The following FLT1 variants were observed in gnomAD, a reference collection of about 807,000 sequenced individuals.
FLT1 encodes fms related receptor tyrosine kinase 1, also known as vascular endothelial growth factor receptor 1.
Under a neutral mutation model 156.3 loss-of-function variants are expected in FLT1, and 49 were observed. The observed-to-expected ratio is 0.31, with a 90% CI of 0.25 to 0.40. The LOEUF is 0.40. Ranked by LOEUF, FLT1 falls within the 10% of genes least tolerant of loss-of-function variation. The probability of loss-of-function intolerance (pLI) is 1.00; values close to 1 mark genes in which losing one functional copy is unlikely to be tolerated. For synonymous variants in FLT1, 594 were observed against 583.8 expected, an observed-to-expected ratio of 1.02 and a Z score of -0.25; for missense variants, 1,322 against 1,637.2, an observed-to-expected ratio of 0.81 and a Z score of 3.32.
rs1870575501 is a variant in FLT1, at chr13:28,303,011, A to T, written c.*156T>A. On this transcript the variant is annotated 3_prime_UTR_variant, in exon 30 of 30. Coordinates refer to ENST00000282397, the MANE Select transcript of FLT1 (RefSeq NM_002019.4). Reference sequence around the variant, plus strand: ...TCTGGAGTTACATTCTTGTTAGTCAAAAAAAAAAAAGCACTATTAAAAAAA... The same window carrying T: ...TCTGGAGTTACATTCTTGTTAGTCATAAAAAAAAAAGCACTATTAAAAAAA... 2 of 400,118 alleles carry T rather than the reference A, an allele frequency of 5.0e-6. No homozygotes were observed. Among genetic ancestry groups the T allele is most frequent in the African/African-American group, 5.1e-5 (1 of 19,536 alleles). 24.8% of individuals were successfully genotyped at this position (400,118 alleles called of 1,614,324 possible).
At position 28,419,583 on chromosome 13, in the gene FLT1, T is replaced by C. The variant is rs372423067; in HGVS notation, c.1436+7576A>G. Among the ~76,000 whole-genome samples the C allele has an allele frequency of 7.2e-4, 110 of 152,260 alleles. 1 individual carries two copies. The highest frequency in any genetic ancestry group is 2.5e-3 in the African/African-American group (102 of 41,554). On this transcript the variant is annotated intron_variant, in intron 10 of 29. Transcript: ENST00000282397. ...CTGAATCTTGCTGAAAAGATCACTA[T>C]AAAAACCATCCAGCGGCCGGGTGCG...
intron 16 of FLT1, among the ~76,000 whole-genome samples, chr13:28,342,783 C>T (rs1295237250): frequency 6.6e-6 from 1 of 152,118 alleles, no homozygotes; most frequent in East Asian, 1.9e-4. Context: ...AATTTATTGA[C>T]ATACTACATA....
chr13:28,488,896 G>T (rs955950137), intron 1 of FLT1, among the ~76,000 whole-genome samples: 5 of 152,182 alleles, frequency 3.3e-5, no homozygotes, highest in African/African-American at 1.2e-4. Flanking sequence ...CAAGGACTTG[G>T]GTTTAAGAGA....
chr13:28,340,752 T>C (rs886266793), intron 16 of FLT1, among the ~76,000 whole-genome samples: 1 of 152,206 alleles, frequency 6.6e-6, no homozygotes, highest in Non-Finnish European at 1.5e-5. Context: ...CTTGAAATCA[T>C]TCTCCTTCTC....
chr13:28,437,260 C>T (rs1037277767), intron 4 of FLT1, among the ~76,000 whole-genome samples: 4 of 152,172 alleles, frequency 2.6e-5, no homozygotes, highest in African/African-American at 4.8e-5. Flanking sequence ...TGAAGGCCTA[C>T]GTGAGTAACA....
At chr13:28,492,470 A>G (rs1293397013) in intron 1 of FLT1, among the ~76,000 whole-genome samples, 1 of 152,226 alleles carries the variant, frequency 6.6e-6, no homozygotes, top group Non-Finnish European at 1.5e-5. Context: ...ATTTCCCAGA[A>G]TGTCTGGAAG....
At chr13:28,475,559 G>A (rs79180921) in intron 1 of FLT1, among the ~76,000 whole-genome samples, 1,615 of 152,234 alleles carry the variant, frequency 0.011, 24 homozygotes, top group African/African-American at 0.035. Flanking sequence ...ATTAAAGGCC[G>A]AAATCTCATA....
intron 3 of FLT1, among the ~76,000 whole-genome samples, chr13:28,438,898 A>G (rs978268713): frequency 8.5e-5 from 13 of 152,352 alleles, no homozygotes; most frequent in African/African-American, 2.9e-4. Flanking sequence ...ATGAATGAGA[A>G]GGTCTGAGCT....
intron 12 of FLT1, 92 bp from the exon 13 acceptor site, chr13:28,390,196 A>G: frequency 2.6e-6 from 4 of 1,527,088 alleles, no homozygotes; most frequent in Non-Finnish European, 1.8e-6. Flanking sequence ...TCGTGCACAA[A>G]TTATCTCAGT....
chr13:28,324,674 TG>T, intron 20 of FLT1, among the ~76,000 whole-genome samples: 1 of 152,360 alleles, frequency 6.6e-6, no homozygotes, highest in East Asian at 1.9e-4. Context: ...CAAGATCCTT[TG>T]TGGGACAGAA....
chr13:28,321,285 C>G (rs1247961159), intron 23 of FLT1, among the ~76,000 whole-genome samples, 178 bp downstream of exon 23: 1 of 152,154 alleles, frequency 6.6e-6, no homozygotes, highest in Non-Finnish European at 1.5e-5. Context: ...GAGACAGTGG[C>G]CTTTCTGAGC....
At chr13:28,398,367 G>A (rs571363959) in intron 11 of FLT1, among the ~76,000 whole-genome samples, 1 of 152,320 alleles carries the variant, frequency 6.6e-6, no homozygotes, top group East Asian at 1.9e-4. Flanking sequence ...TTTCCAAGGT[G>A]GTGGACATAC....
At chr13:28,441,304 G>T (rs949936524) in intron 3 of FLT1, among the ~76,000 whole-genome samples, 13 of 152,176 alleles carry the variant, frequency 8.5e-5, no homozygotes, top group Admixed American at 2.6e-4. Context: ...AAAATCAGGG[G>T]AAAATAAACA....
At chr13:28,328,037 A>G (rs1030839274) in intron 19 of FLT1, among the ~76,000 whole-genome samples, 5 of 152,128 alleles carry the variant, frequency 3.3e-5, no homozygotes, top group African/African-American at 1.2e-4. Flanking sequence ...CAGAGGATCT[A>G]CAGTAGGAAT....
In FLT1 at chr13:28,301,042, T is replaced by G. The variant is rs918797653; in HGVS notation, c.*2125A>C. On this transcript the variant is annotated 3_prime_UTR_variant, in exon 30 of 30. Coordinates refer to ENST00000282397, the MANE Select transcript of FLT1 (RefSeq NM_002019.4). ...AGGAGCTGAGTAACAATTCTAATGG[T>G]TTTGCTTTTCTCTTGAAAAGGAGTA... is the stretch of plus-strand genomic sequence containing the variant. 3 of 232,588 alleles carry G rather than the reference T, an allele frequency of 1.3e-5. No homozygotes were observed. The highest frequency in any genetic ancestry group is 6.6e-5 in the African/African-American group (3 of 45,308). The allele number at this position is 232,588 out of a possible 1,614,324, so 14.4% of individuals were successfully genotyped here.
At chr13:28,434,689 C>A (rs553989591) in intron 4 of FLT1, among the ~76,000 whole-genome samples, 2 of 152,302 alleles carry the variant, frequency 1.3e-5, no homozygotes, top group African/African-American at 4.8e-5. Context: ...TAGAGACCAG[C>A]CTGGCCAACA....
At position 28,331,655 on chromosome 13, in the gene FLT1, C is replaced by T. The variant is rs1158113013; in HGVS notation, c.2594-1927G>A. Among the ~76,000 whole-genome samples, 4 of 152,304 alleles carry T rather than the reference C, an allele frequency of 2.6e-5. No individual in the cohort carries two copies. In the East Asian group the frequency reaches 5.8e-4, roughly 22 times the overall value. ...CCATATTGGCCAGGCCGGTCTCGAA[C>T]GCCTGACCTCATGATCTGCCGGCCT... is the stretch of plus-strand genomic sequence containing the variant. On this transcript the variant is annotated intron_variant, in intron 18 of 29. Transcript: ENST00000282397.
intron 3 of FLT1, among the ~76,000 whole-genome samples, chr13:28,440,937 G>A (rs1878303383): frequency 6.6e-6 from 1 of 152,158 alleles, no homozygotes; most frequent in Non-Finnish European, 1.5e-5. Flanking sequence ...CTCCTCCCAA[G>A]AATGTCAGGT....
intron 1 of FLT1, among the ~76,000 whole-genome samples, chr13:28,480,883 G>A (rs369099022): frequency 1.8e-4 from 28 of 152,290 alleles, no homozygotes; most frequent in African/African-American, 5.8e-4. Context: ...AGAGCACCAC[G>A]GAAGACGACC....
Sources: allele counts gnomAD v4.1 joint callset (sites outside exome capture counted in the v4.1 genomes callset), GRCh38; gene constraint gnomAD v4.1.1; transcripts MANE v1.5; gene names NCBI Gene and HGNC (gene_info 2026-07-23, HGNC 2026-07-21).